Variants in NDUFA5 observed in about 807,000 individuals in gnomAD.
NDUFA5 encodes NADH:ubiquinone oxidoreductase subunit A5, also known as NADH dehydrogenase [ubiquinone] 1 alpha subcomplex subunit 5.
A neutral mutation model predicts 19.8 loss-of-function variants in NDUFA5; 11 were observed. The ratio of observed to expected loss-of-function variants is 0.56; its 90% CI spans 0.35 to 0.92. The LOEUF (loss-of-function observed/expected upper bound fraction) is 0.92. NDUFA5 is among the 40% of genes least tolerant of loss of function. The pLI is 0.01. For missense variants in NDUFA5, 109 were observed against 134.2 expected (o/e 0.81, Z 0.93); for synonymous variants, 47 against 46.8 (o/e 1.00, Z -0.01).
chr7:123,574,069 ATTT>A, the NDUFA5 span, among the ~76,000 whole-genome samples: 1 of 152,094 alleles, frequency 6.6e-6, no homozygotes, highest in Non-Finnish European at 1.5e-5. Flanking sequence ...ATAGCAGTCT[ATTT>A]CCACATGATT....
the NDUFA5 span, chr7:123,598,863 G>C: frequency 1.3e-5 from 2 of 152,232 alleles, no homozygotes; most frequent in Non-Finnish European, 2.9e-5. Flanking sequence ...ATTCTTCCAG[G>C]GGCCTGTGAC....
chr7:123,558,819 C>G (rs1798646338), upstream of NDUFA5, among the ~76,000 whole-genome samples: 1 of 152,056 alleles, frequency 6.6e-6, no homozygotes, highest in African/African-American at 2.4e-5. Flanking sequence ...GACTTTTAAG[C>G]TTCTAAGTGA....
At chr7:123,595,677 A>G in the NDUFA5 span, among the ~76,000 whole-genome samples, 1 of 152,206 alleles carries the variant, frequency 6.6e-6, no homozygotes, top group Non-Finnish European at 1.5e-5. Flanking sequence ...GATGGTCAAT[A>G]TTTGTTAAAT....
At chr7:123,577,104 C>A in the NDUFA5 span, among the ~76,000 whole-genome samples, 1 of 152,146 alleles carries the variant, frequency 6.6e-6, no homozygotes, top group African/African-American at 2.4e-5. Flanking sequence ...CCACCTCCTA[C>A]TTAATAAACT....
intron 3 of NDUFA5, among the ~76,000 whole-genome samples, chr7:123,549,055 T>A (rs1798239289): frequency 6.6e-6 from 1 of 152,212 alleles, no homozygotes; most frequent in South Asian, 2.1e-4. Flanking sequence ...TACAAGAGGA[T>A]GTGCATAGGT....
Position 123,537,929 on chromosome 7 carries a change from CATTTA to C in NDUFA5, c.*4185_*4189del, listed in dbSNP as rs2117432114. Reference sequence around the variant, plus strand: ...AAATAGAAATCTTTGCAATGCTTTTCATTTAATTATATACAGATGCCAATCATAAA... The same window carrying C: ...AAATAGAAATCTTTGCAATGCTTTTCATTATATACAGATGCCAATCATAAA... On this transcript the variant is annotated 3_prime_UTR_variant, in exon 5 of 5. Transcript: ENST00000355749. 6.6e-6 allele frequency: 1 copy of C among 152,168 alleles called. No homozygotes were observed. The highest frequency in any genetic ancestry group is 2.1e-4 in the South Asian group (1 of 4,824). 9.4% of individuals were successfully genotyped at this position (152,168 alleles called of 1,614,324 possible).
chr7:123,589,321 T>C, the NDUFA5 span, among the ~76,000 whole-genome samples: 1 of 149,282 alleles, frequency 6.7e-6, no homozygotes, highest in Non-Finnish European at 1.5e-5. Context: ...TTATTATTAT[T>C]ATCATTATTA....
rs1797789567 is a variant in NDUFA5 at position 123,537,573 on chromosome 7, G to A, written c.*4546C>T. On this transcript the variant is annotated 3_prime_UTR_variant, in exon 5 of 5. Transcript: ENST00000355749. ...TATGTAACACATTAAGAGGGTCTGA[G>A]GAAGCAGTTTAGAATCAAATATATT... is the stretch of plus-strand genomic sequence containing the variant. The A allele has an allele frequency of 6.6e-6, 1 of 152,080 alleles. No homozygotes were observed. Among genetic ancestry groups the A allele is most frequent in the Admixed American group, 6.5e-5 (1 of 15,276 alleles). The allele number at this position is 152,080 out of a possible 1,614,324, so 9.4% of individuals were successfully genotyped here.
chr7:123,599,335 A>G, the NDUFA5 span, among the ~76,000 whole-genome samples: 1 of 152,222 alleles, frequency 6.6e-6, no homozygotes, highest in Non-Finnish European at 1.5e-5. Context: ...GAACAACACC[A>G]TTTTTTGTAG....
the NDUFA5 span, among the ~76,000 whole-genome samples, chr7:123,580,522 A>C: frequency 2.6e-5 from 4 of 152,060 alleles, no homozygotes; most frequent in Non-Finnish European, 5.9e-5. Flanking sequence ...AAAAATGGTC[A>C]CAATAATATG....
chr7:123,580,623 G>A, the NDUFA5 span, among the ~76,000 whole-genome samples: 1 of 151,994 alleles, frequency 6.6e-6, no homozygotes, highest in Admixed American at 6.6e-5. Flanking sequence ...GTGCAGTTTG[G>A]AAAATTTTGA....
At chr7:123,548,664 G>C (rs139984155) in intron 3 of NDUFA5, among the ~76,000 whole-genome samples, 6 of 152,136 alleles carry the variant, frequency 3.9e-5, no homozygotes, top group African/African-American at 1.2e-4. Context: ...AAATAACCAA[G>C]AGCCAGAACT....
At chr7:123,570,103 C>T in the NDUFA5 span, among the ~76,000 whole-genome samples, 2 of 143,484 alleles carry the variant, frequency 1.4e-5, no homozygotes, top group Non-Finnish European at 3.0e-5. Flanking sequence ...GGCACGATCT[C>T]GGCTCACTAT....
rs1279076796 is a variant in NDUFA5, at chr7:123,541,496, A to C, written c.*623T>G. 6.6e-6 allele frequency: 1 copy of C among 152,220 alleles called. No individual in the cohort carries two copies. The highest frequency in any genetic ancestry group is 1.5e-5 in the Non-Finnish European group (1 of 68,034). 9.4% of individuals were successfully genotyped at this position (152,220 alleles called of 1,614,324 possible). On this transcript the variant is annotated 3_prime_UTR_variant, in exon 5 of 5. Transcript: ENST00000355749. Reference sequence around the variant, plus strand: ...AACAACAAAATATAATAAAATTAAGACTATAAGAAAACAGAGTAAATGGTA... The same window carrying C: ...AACAACAAAATATAATAAAATTAAGCCTATAAGAAAACAGAGTAAATGGTA...
the NDUFA5 span, among the ~76,000 whole-genome samples, chr7:123,569,227 T>C: frequency 1.3e-5 from 2 of 152,188 alleles, no homozygotes; most frequent in African/African-American, 4.8e-5. Context: ...AATGGCAATC[T>C]TGGCAACATC....
chr7:123,542,951 T>C (rs1797995108), intron 4 of NDUFA5, among the ~76,000 whole-genome samples: 1 of 152,188 alleles, frequency 6.6e-6, no homozygotes, highest in South Asian at 2.1e-4. Context: ...AGCCAACTTA[T>C]AAGATGAATA....
At chr7:123,552,405 A>C (rs1291923159) in intron 2 of NDUFA5, among the ~76,000 whole-genome samples, 1 of 152,030 alleles carries the variant, frequency 6.6e-6, no homozygotes, top group African/African-American at 2.4e-5. Flanking sequence ...CAAACATCAC[A>C]TGTTCTCACT....
chr7:123,595,182 A>C, the NDUFA5 span, among the ~76,000 whole-genome samples: 1 of 152,298 alleles, frequency 6.6e-6, no homozygotes, highest in South Asian at 2.1e-4. Context: ...TCACTGTTTA[A>C]AAATAAGCCA....
At chr7:123,553,085 A>T (rs1015235864) in intron 2 of NDUFA5, among the ~76,000 whole-genome samples, 4 of 152,242 alleles carry the variant, frequency 2.6e-5, no homozygotes, top group African/African-American at 9.6e-5. Flanking sequence ...TATACTCAGT[A>T]CTTCCATGTA....
Sources: gnomAD v4.1 joint callset for allele counts (sites outside exome capture counted in the v4.1 genomes callset) on GRCh38, gnomAD v4.1.1 for gene constraint, MANE v1.5 for transcripts, NCBI Gene and HGNC (gene_info 2026-07-23, HGNC 2026-07-21) for gene names.